Variants in CSMD2 observed in about 807,000 individuals in gnomAD.
CSMD2 encodes the protein CUB and sushi domain-containing protein 2.
CSMD2 carries 130 observed loss-of-function variants against 398.5 expected under a neutral mutation model. The observed-to-expected ratio is 0.33, with a 90% confidence interval of 0.28 to 0.38. CSMD2 has a LOEUF of 0.38. Among genes scored for constraint, CSMD2 ranks in the 10% least tolerant of loss-of-function variants. CSMD2 has a pLI of 1.00. For synonymous variants in CSMD2, 1,828 were observed against 1,908.5 expected (o/e 0.96, Z 1.10); for missense variants, 3,829 against 4,764.9 (o/e 0.80, Z 5.78).
chr1:34,130,388 G>GAAAAAAAAAA (rs1663216272), intron 1 of CSMD2, among the ~76,000 whole-genome samples: 1 of 20,972 alleles, frequency 4.8e-5, no homozygotes, highest in Non-Finnish European at 1.4e-4. Context: ...ATGTCTGGAG[G>GAAAAAAAAAA]CAAAAAAAAA....
At chr1:33,676,628 T>A in intron 25 of CSMD2, among the ~76,000 whole-genome samples, 1 of 152,108 alleles carries the variant, frequency 6.6e-6, no homozygotes, top group Admixed American at 6.5e-5. Flanking sequence ...TCATATGGCA[T>A]CAAAAAAGAG....
intron 25 of CSMD2, among the ~76,000 whole-genome samples, chr1:33,670,486 A>G (rs777225772): frequency 6.6e-6 from 1 of 152,162 alleles, no homozygotes; most frequent in Admixed American, 6.5e-5. Flanking sequence ...GATACTTCCT[A>G]TTTCTCTGGA....
At chr1:33,833,762 C>G (rs549884399) in intron 6 of CSMD2, among the ~76,000 whole-genome samples, 1 of 152,222 alleles carries the variant, frequency 6.6e-6, no homozygotes, top group East Asian at 1.9e-4. Flanking sequence ...CCCATTGTCT[C>G]AGCCCAAAAT....
At chr1:33,805,676 T>C (rs1352725415) in intron 10 of CSMD2, among the ~76,000 whole-genome samples, 1 of 151,958 alleles carries the variant, frequency 6.6e-6, no homozygotes, top group Non-Finnish European at 1.5e-5. Context: ...AATCCGATGG[T>C]AGTGGTGTCC....
At chr1:33,589,985 A>C (rs1570848838) in intron 44 of CSMD2, among the ~76,000 whole-genome samples, 2 of 152,284 alleles carry the variant, frequency 1.3e-5, no homozygotes, top group East Asian at 3.9e-4. Flanking sequence ...TGTCATACTT[A>C]TCTTCAAAAC....
rs1656314886 is a variant in CSMD2 at position 33,541,314 on chromosome 1, G to C, written c.9278-5C>G. 6.2e-7 allele frequency: 1 copy of C among 1,612,436 alleles called. No homozygotes were observed. Among genetic ancestry groups the C allele is most frequent in the African/African-American group, 1.3e-5 (1 of 74,866 alleles). ...CAGGGTCACCACAGTTTATGACTAG[G>C]ATAAGAGAGATATAGCATTGTTCAC... On this transcript the variant is annotated splice_region_variant and splice_polypyrimidine_tract_variant and intron_variant, in intron 58 of 70. Coordinates refer to ENST00000373381, the MANE Select transcript of CSMD2 (RefSeq NM_001281956.2).
intron 9 of CSMD2, 68 bp from the exon 10 acceptor site, chr1:33,810,932 T>G: frequency 1.3e-6 from 2 of 1,560,936 alleles, no homozygotes; most frequent in Non-Finnish European, 1.7e-6. Context: ...TGCCTCCCAC[T>G]CCCCACCCAG....
In CSMD2 at chr1:33,935,807, C is replaced by A. The variant is rs1222389316; in HGVS notation, c.665G>T (p.Gly222Val). 1 of 1,613,582 alleles carries A rather than the reference C, an allele frequency of 6.2e-7. No homozygotes were observed. The highest frequency in any genetic ancestry group is 1.7e-5 in the Admixed American group (1 of 59,976). Residue 222 changes from glycine to valine, a missense_variant, in exon 4 of 71, where the codon GGC (glycine) becomes GTC (valine). By Grantham distance (109) the Gly-to-Val change is moderately radical (BLOSUM62 -3). Transcript: ENST00000373381. Reference protein sequence around the residue: ...EGHAVLTCHAGSENSATWDFP... With the variant: ...EGHAVLTCHAVSENSATWDFP... ...GTCCCACGTGGCGCTGTTCTCAGAG[C>A]CAGCGTGGCAGGTGAGCACGGCGTG... is the stretch of plus-strand genomic sequence containing the variant.
At chr1:33,906,504 A>G (rs1643097278) in intron 5 of CSMD2, among the ~76,000 whole-genome samples, 2 of 152,198 alleles carry the variant, frequency 1.3e-5, no homozygotes, top group Non-Finnish European at 2.9e-5. Flanking sequence ...GGTAGAAAGG[A>G]TGGAAAGGTA....
At chr1:34,149,145 C>T (rs1449640432) in intron 1 of CSMD2, among the ~76,000 whole-genome samples, 1 of 152,192 alleles carries the variant, frequency 6.6e-6, no homozygotes, top group Non-Finnish European at 1.5e-5. Context: ...CTTCACAGCC[C>T]TATTTGCATA....
chr1:33,524,073 C>G (rs937061522), intron 66 of CSMD2, among the ~76,000 whole-genome samples: 74 of 152,322 alleles, frequency 4.9e-4, no homozygotes, highest in Middle Eastern at 3.4e-3. Flanking sequence ...AACCACGTTA[C>G]TGTAAATTAT....
intron 29 of CSMD2, among the ~76,000 whole-genome samples, chr1:33,641,684 C>T (rs141322880): frequency 1.4e-3 from 219 of 152,318 alleles, no homozygotes; most frequent in Non-Finnish European, 2.5e-3. Flanking sequence ...ACTACAGTCA[C>T]CCTTCAGAAG....
chr1:33,545,088 C>T (rs1374003363), intron 57 of CSMD2, among the ~76,000 whole-genome samples: 3 of 152,184 alleles, frequency 2.0e-5, no homozygotes, highest in Admixed American at 2.0e-4. Flanking sequence ...CCATTACACA[C>T]TTCCCAATTC....
chr1:33,822,358 C>A (rs1401524548), intron 7 of CSMD2, among the ~76,000 whole-genome samples: 1 of 152,076 alleles, frequency 6.6e-6, no homozygotes, highest in African/African-American at 2.4e-5. Context: ...AGGTGGGGAG[C>A]TCGTTTTAGA....
Position 33,533,927 on chromosome 1 carries a change from C to T in CSMD2, c.9880-20G>A. ...TCCAACCTGCGGCAAGATACAAAGT[C>T]CCATCAGCCCCTTCCTTTCAGCGGT... On this transcript the variant is annotated intron_variant, in intron 62 of 70. Transcript: ENST00000373381. This position sits in a 1 kb window ranked among gnomAD's most constrained non-coding sequence, Gnocchi z 4.2. The T allele has an allele frequency of 6.7e-7, 1 of 1,502,692 alleles. No individual in the cohort carries two copies. Among genetic ancestry groups the T allele is most frequent in the Non-Finnish European group, 9.3e-7 (1 of 1,079,100 alleles). 93.1% of individuals were successfully genotyped at this position (1,502,692 alleles called of 1,614,324 possible).
intron 5 of CSMD2, among the ~76,000 whole-genome samples, chr1:33,855,061 G>T (rs995268079): frequency 6.6e-6 from 1 of 152,176 alleles, no homozygotes; most frequent in East Asian, 1.9e-4. Flanking sequence ...GAACAGGGTT[G>T]GGTCTGAAGA....
intron 44 of CSMD2, chr1:33,592,503 A>G (rs1231301074): frequency 1.4e-6 from 1 of 717,274 alleles, no homozygotes; most frequent in Non-Finnish European, 2.6e-6. Flanking sequence ...AGGAGCAGTT[A>G]AAGAGAACAT....
intron 4 of CSMD2, among the ~76,000 whole-genome samples, chr1:33,928,512 T>C (rs1025287279): frequency 6.6e-6 from 1 of 152,202 alleles, no homozygotes; most frequent in African/African-American, 2.4e-5. Context: ...ATGAGTTAAG[T>C]ACCATTATTA....
chr1:34,158,907 C>A (rs1482373525), intron 1 of CSMD2, among the ~76,000 whole-genome samples: 1 of 152,202 alleles, frequency 6.6e-6, no homozygotes, highest in African/African-American at 2.4e-5. Context: ...ATTTAACCAG[C>A]ACTCGGTAAA....
Sources: allele counts gnomAD v4.1 joint callset (sites outside exome capture counted in the v4.1 genomes callset), GRCh38; gene constraint gnomAD v4.1.1; non-coding constraint Gnocchi (gnomAD v3.1); transcripts MANE v1.5; gene names NCBI Gene and HGNC (gene_info 2026-07-23, HGNC 2026-07-21).